HS6ST3: variants seen among roughly 807,000 people sequenced by gnomAD.
HS6ST3 encodes the protein heparan-sulfate 6-O-sulfotransferase 3.
A neutral mutation model predicts 36.7 loss-of-function variants in HS6ST3; 12 were observed. The ratio of observed to expected loss-of-function variants is 0.33; its 90% CI spans 0.21 to 0.53. HS6ST3 has a LOEUF of 0.53. Ranked by LOEUF, HS6ST3 falls within the 20% of genes least tolerant of loss-of-function variation. The probability of loss-of-function intolerance (pLI) is 0.95; values close to 1 mark genes in which losing one functional copy is unlikely to be tolerated. For synonymous variants in HS6ST3, 240 were observed against 257.5 expected (o/e 0.93, Z 0.65); for missense variants, 584 against 640.9 (o/e 0.91, Z 0.96).
chr13:96,100,458 A>G (rs563792656), intron 1 of HS6ST3, among the ~76,000 whole-genome samples: 1 of 152,298 alleles, frequency 6.6e-6, no homozygotes, highest in Non-Finnish European at 1.5e-5. Flanking sequence ...AACCAGTGAC[A>G]AGAGGAAACT....
intron 1 of HS6ST3, among the ~76,000 whole-genome samples, chr13:96,720,483 A>T (rs1160927119): frequency 6.6e-6 from 1 of 151,996 alleles, no homozygotes; most frequent in Non-Finnish European, 1.5e-5. Flanking sequence ...TTTGAGGCTT[A>T]TGGGGGTCGG....
At chr13:96,653,491 A>G (rs918722561) in intron 1 of HS6ST3, among the ~76,000 whole-genome samples, 1 of 152,090 alleles carries the variant, frequency 6.6e-6, no homozygotes, top group African/African-American at 2.4e-5. Context: ...TAGTTTGCTG[A>G]GAATGATGGT....
intron 1 of HS6ST3, among the ~76,000 whole-genome samples, chr13:96,453,411 T>C (rs2055739563): frequency 6.6e-6 from 1 of 152,108 alleles, no homozygotes; most frequent in African/African-American, 2.4e-5. Context: ...CATTGTTTGC[T>C]ATAAAAAAGG....
chr13:96,779,316 CAATAATAATAAT>C (rs67524779), intron 1 of HS6ST3, among the ~76,000 whole-genome samples: 2 of 147,454 alleles, frequency 1.4e-5, no homozygotes, highest in African/African-American at 2.5e-5. Flanking sequence ...CTTAAAGTAT[CAATAATAATAAT>C]AATAATAATA....
At chr13:96,259,800 T>C (rs1199156136) in intron 1 of HS6ST3, among the ~76,000 whole-genome samples, 1 of 152,216 alleles carries the variant, frequency 6.6e-6, no homozygotes, top group Non-Finnish European at 1.5e-5. Context: ...AAATAACTAT[T>C]GATTAGCATC....
chr13:96,353,946 G>A (rs1202956733), intron 1 of HS6ST3, among the ~76,000 whole-genome samples: 2 of 152,162 alleles, frequency 1.3e-5, no homozygotes, highest in African/African-American at 4.8e-5. Context: ...TATAGGGGAA[G>A]AGGTAACTGT....
At chr13:96,640,954 A>T (rs2056568123) in intron 1 of HS6ST3, among the ~76,000 whole-genome samples, 1 of 151,832 alleles carries the variant, frequency 6.6e-6, no homozygotes, top group South Asian at 2.1e-4. Flanking sequence ...GTTACTGCAG[A>T]CTTACAGTAT....
At chr13:96,468,614 T>C (rs2055826017) in intron 1 of HS6ST3, among the ~76,000 whole-genome samples, 1 of 152,026 alleles carries the variant, frequency 6.6e-6, no homozygotes, top group African/African-American at 2.4e-5. Context: ...GAATTATAGT[T>C]CCCACTGCAA....
intron 1 of HS6ST3, among the ~76,000 whole-genome samples, chr13:96,602,665 A>G (rs2056425842): frequency 6.6e-6 from 1 of 152,192 alleles, no homozygotes; most frequent in African/African-American, 2.4e-5. Context: ...TGTGGCTCAG[A>G]GATCAAGTTC....
intron 1 of HS6ST3, among the ~76,000 whole-genome samples, chr13:96,317,913 T>C (rs922647221): frequency 4.6e-5 from 7 of 152,100 alleles, no homozygotes; most frequent in Admixed American, 1.3e-4. Context: ...TATTTTTTGC[T>C]TGTTGATTTG....
chr13:96,328,584 A>G (rs2055046091), intron 1 of HS6ST3, among the ~76,000 whole-genome samples: 1 of 151,656 alleles, frequency 6.6e-6, no homozygotes, highest in African/African-American at 2.4e-5. Context: ...TCGGTTTGCC[A>G]GTATTTTATT....
At chr13:96,809,951 T>C (rs1006934724) in intron 1 of HS6ST3, among the ~76,000 whole-genome samples, 6 of 152,214 alleles carry the variant, frequency 3.9e-5, no homozygotes, top group Non-Finnish European at 5.9e-5. Context: ...GAATTACTGG[T>C]ACTGGTACGA....
intron 1 of HS6ST3, among the ~76,000 whole-genome samples, chr13:96,493,664 A>G (rs1236499874): frequency 1.3e-5 from 2 of 152,214 alleles, no homozygotes; most frequent in Non-Finnish European, 2.9e-5. Flanking sequence ...TTACAATAGC[A>G]AAATATTAAA....
intron 1 of HS6ST3, among the ~76,000 whole-genome samples, chr13:96,447,982 A>G (rs2055707502): frequency 6.6e-6 from 1 of 152,168 alleles, no homozygotes; most frequent in African/African-American, 2.4e-5. Context: ...TCCACTCATC[A>G]GAGCTGTATC....
At chr13:96,762,806 A>C (rs1429855917) in intron 1 of HS6ST3, among the ~76,000 whole-genome samples, 1 of 152,196 alleles carries the variant, frequency 6.6e-6, no homozygotes, top group Non-Finnish European at 1.5e-5. Context: ...GATAATTAGC[A>C]GTTACTAAAT....
chr13:96,239,392 T>C (rs1363710041), intron 1 of HS6ST3, among the ~76,000 whole-genome samples: 2 of 152,210 alleles, frequency 1.3e-5, no homozygotes, highest in Non-Finnish European at 2.9e-5. Context: ...ATAAATGAAA[T>C]CAATCATTTA....
chr13:96,172,305 T>A (rs540647413), intron 1 of HS6ST3, among the ~76,000 whole-genome samples: 1 of 152,186 alleles, frequency 6.6e-6, no homozygotes. Context: ...GGGTATATCA[T>A]GCAGTCCAGT....
chr13:96,492,390 G>A (rs746459794), intron 1 of HS6ST3, among the ~76,000 whole-genome samples: 3 of 152,110 alleles, frequency 2.0e-5, no homozygotes, highest in South Asian at 2.1e-4. Flanking sequence ...TTAGCTGTAG[G>A]GCTGTTGTAT....
chr13:96,799,627 G>A, intron 1 of HS6ST3, among the ~76,000 whole-genome samples: 1 of 146,002 alleles, frequency 6.8e-6, no homozygotes, highest in Non-Finnish European at 1.5e-5. Context: ...ACTGGGGACT[G>A]TTGTGGGGTG....
Sources: gnomAD v4.1 joint callset for allele counts (sites outside exome capture counted in the v4.1 genomes callset) on GRCh38, gnomAD v4.1.1 for gene constraint, MANE v1.5 for transcripts, NCBI Gene and HGNC (gene_info 2026-07-23, HGNC 2026-07-21) for gene names.